The following KCNN2 variants were observed in gnomAD, a reference collection of about 807,000 sequenced individuals.
The protein encoded by KCNN2 is potassium calcium-activated channel subfamily N member 2, also known as small conductance calcium-activated potassium channel protein 2.
A neutral mutation model predicts 55.5 loss-of-function variants in KCNN2; 24 were observed. The ratio of observed to expected loss-of-function variants is 0.43; its 90% confidence interval spans 0.31 to 0.61. The LOEUF (loss-of-function observed/expected upper bound fraction) is 0.61. Among genes scored for constraint, KCNN2 ranks in the 20% least tolerant of loss-of-function variants. KCNN2 has a pLI of 0.08. For missense variants in KCNN2, 754 were observed against 853.6 expected (o/e 0.88, Z 1.45); for synonymous variants, 431 against 336.1 (o/e 1.28, Z -3.09).
chr5:114,484,968 T>C (rs1461078510), intron 5 of KCNN2, among the ~76,000 whole-genome samples: 1 of 152,220 alleles, frequency 6.6e-6, no homozygotes, highest in Non-Finnish European at 1.5e-5. Flanking sequence ...CCCACTCCAC[T>C]GAACTCTGAG....
Position 114,363,025 on chromosome 5 carries a change from A to T in KCNN2, c.886A>T (p.Thr296Ser). ...CTCCAACAACCTGGCGCTCTATGGA[A>T]CCGGCGGCGGAGGCAGCACTGGAGG... ...NNSNNLALYG[T>S]GGGGSTGGGG... Residue 296 changes from threonine to serine, a missense_variant, in exon 1 of 8, where the codon ACC becomes TCC. Physicochemically the swap from Thr to Ser is moderately conservative, Grantham distance 58. Transcript: ENST00000673685. The T allele has an allele frequency of 3.1e-6, 5 of 1,602,654 alleles. No homozygotes were observed. The highest frequency in any genetic ancestry group is 3.4e-6 in the Non-Finnish European group (4 of 1,176,830).
chr5:114,259,932 C>T (rs914713311), intron 2 of KCNN2, among the ~76,000 whole-genome samples: 1 of 152,198 alleles, frequency 6.6e-6, no homozygotes, highest in Non-Finnish European at 1.5e-5. Flanking sequence ...CATCTGACAT[C>T]TCTAGTCAGC....
chr5:114,438,879 G>A (rs779748305), intron 3 of KCNN2, among the ~76,000 whole-genome samples: 2 of 152,134 alleles, frequency 1.3e-5, no homozygotes, highest in African/African-American at 4.8e-5. Flanking sequence ...ACAGATAAAT[G>A]TGACAGCCTT....
intron 1 of KCNN2, among the ~76,000 whole-genome samples, chr5:114,079,011 T>G (rs917004321): frequency 2.6e-5 from 4 of 152,116 alleles, no homozygotes; most frequent in African/African-American, 9.7e-5. Flanking sequence ...GTGCAGGAGA[T>G]TTGGGTTAGG....
At chr5:114,331,078 G>A (rs569480240) in intron 2 of KCNN2, among the ~76,000 whole-genome samples, 1 of 152,200 alleles carries the variant, frequency 6.6e-6, no homozygotes, top group Non-Finnish European at 1.5e-5. Context: ...GTGCTACAGA[G>A]CCAAGAGGAA....
intron 2 of KCNN2, among the ~76,000 whole-genome samples, chr5:114,237,346 C>G (rs1038539335): frequency 6.6e-6 from 1 of 150,980 alleles, no homozygotes; most frequent in Admixed American, 6.6e-5. Flanking sequence ...GTTTTGCTTT[C>G]TATGTGTGAA....
In KCNN2 at chr5:114,362,973, C is replaced by T; in HGVS notation, c.834C>T (p.Ile278=). 6.3e-7 allele frequency: 1 copy of T among 1,589,934 alleles called. No homozygotes were observed. Among genetic ancestry groups the T allele is most frequent in the Non-Finnish European group, 8.5e-7 (1 of 1,174,376 alleles). Residue 278 remains isoleucine (I), a synonymous_variant, in exon 1 of 8, where the codon ATC becomes ATT. Transcript: ENST00000673685. ...AAAVSSSAPE[I]VVSKPEHNNS... ...CTGTTTCGTCCTCAGCCCCCGAGAT[C>T]GTGGTGTCTAAGCCCGAGCACAACA...
At chr5:114,282,976 C>T (rs191003559) in intron 2 of KCNN2, among the ~76,000 whole-genome samples, 1 of 152,290 alleles carries the variant, frequency 6.6e-6, no homozygotes, top group Admixed American at 6.5e-5. Context: ...TGCTCCTCTG[C>T]TGCATTTAAG....
intron 2 of KCNN2, among the ~76,000 whole-genome samples, chr5:114,322,756 A>T (rs547787507): frequency 1.2e-4 from 18 of 152,306 alleles, no homozygotes; most frequent in Admixed American, 4.6e-4. Context: ...TTGAGATGCT[A>T]AGTATAACTT....
intron 1 of KCNN2, among the ~76,000 whole-genome samples, chr5:114,131,840 A>G (rs1473568285): frequency 6.6e-6 from 1 of 152,198 alleles, no homozygotes; most frequent in Non-Finnish European, 1.5e-5. Flanking sequence ...ATAAGATGGT[A>G]TCTCATTGTG....
intron 2 of KCNN2, among the ~76,000 whole-genome samples, chr5:114,397,878 G>A (rs182712051): frequency 1.1e-3 from 164 of 152,162 alleles, no homozygotes; most frequent in Non-Finnish European, 9.3e-4. Flanking sequence ...TTTTAATGGG[G>A]TTGTTTGTTT....
At chr5:114,193,570 G>C (rs938275970) in intron 1 of KCNN2, among the ~76,000 whole-genome samples, 2 of 152,140 alleles carry the variant, frequency 1.3e-5, no homozygotes, top group Admixed American at 1.3e-4. Flanking sequence ...CATAATGCAG[G>C]TTCAGATTCT....
At chr5:114,470,797 A>T (rs1026468798) in intron 4 of KCNN2, among the ~76,000 whole-genome samples, 2 of 152,134 alleles carry the variant, frequency 1.3e-5, no homozygotes, top group Non-Finnish European at 2.9e-5. Flanking sequence ...TGTCATAGTC[A>T]CTGCATATCC....
At chr5:114,083,849 C>T (rs1412106583) in intron 1 of KCNN2, among the ~76,000 whole-genome samples, 1 of 152,132 alleles carries the variant, frequency 6.6e-6, no homozygotes, top group African/African-American at 2.4e-5. Flanking sequence ...TCATCCCTCT[C>T]TTCCCACTCC....
At chr5:114,260,470 G>T (rs1183582953) in intron 2 of KCNN2, among the ~76,000 whole-genome samples, 1 of 152,084 alleles carries the variant, frequency 6.6e-6, no homozygotes, top group Non-Finnish European at 1.5e-5. Context: ...AGTATCTACA[G>T]TTATTTGTTT....
intron 2 of KCNN2, among the ~76,000 whole-genome samples, chr5:114,263,203 T>A (rs1755144503): frequency 6.6e-6 from 1 of 151,918 alleles, no homozygotes; most frequent in Admixed American, 6.6e-5. Context: ...AAACAAGCAG[T>A]TTACAGATGG....
At chr5:114,478,590 C>A (rs527480077) in intron 5 of KCNN2, among the ~76,000 whole-genome samples, 2 of 151,944 alleles carry the variant, frequency 1.3e-5, no homozygotes, top group South Asian at 2.1e-4. Context: ...CCCCAAGACA[C>A]AAAATCATCA....
intron 1 of KCNN2, among the ~76,000 whole-genome samples, chr5:114,143,264 A>T (rs548873161): frequency 1.3e-5 from 2 of 152,306 alleles, no homozygotes; most frequent in East Asian, 3.9e-4. Flanking sequence ...ATACAGAGAT[A>T]AAAATTTACA....
At position 114,336,706 on chromosome 5, in the gene KCNN2, C is replaced by A. The variant is rs138360022; in HGVS notation, c.-184-24239C>A. Reference sequence around the variant, plus strand: ...GGGATGGCTATTGAAGAAACAAATGCCTCTTTGAGAATGTAATATTAATCT... The same window carrying A: ...GGGATGGCTATTGAAGAAACAAATGACTCTTTGAGAATGTAATATTAATCT... On this transcript the variant is annotated intron_variant, in intron 2 of 10. Coordinates refer to the KCNN2 transcript ENST00000512097. Among the ~76,000 whole-genome samples the A allele has an allele frequency of 9.7e-4, 147 of 152,260 alleles. 2 individuals carry two copies. In the East Asian group the frequency reaches 0.021, roughly 21 times the overall value.
Sources: allele counts gnomAD v4.1 joint callset (sites outside exome capture counted in the v4.1 genomes callset), GRCh38; gene constraint gnomAD v4.1.1; transcripts MANE v1.5; gene names NCBI Gene and HGNC (gene_info 2026-07-23, HGNC 2026-07-21).